XKR4: variants seen among roughly 807,000 people sequenced by gnomAD.
XKR4 encodes XK related 4.
XKR4 carries 12 observed loss-of-function variants against 53.9 expected under a neutral mutation model. That is an observed-to-expected ratio of 0.22 (90% CI 0.14 to 0.36). XKR4 has a LOEUF of 0.36. XKR4 is among the 10% of genes least tolerant of loss of function. The probability of loss-of-function intolerance (pLI) is 1.00; values close to 1 mark genes in which losing one functional copy is unlikely to be tolerated. For missense variants in XKR4, 799 were observed against 859.5 expected, an observed-to-expected ratio of 0.93 and a Z score of 0.88; for synonymous variants, 354 against 362.4, an observed-to-expected ratio of 0.98 and a Z score of 0.26.
At chr8:55,478,845 G>A (rs546807484) in intron 2 of XKR4, among the ~76,000 whole-genome samples, 15 of 152,188 alleles carry the variant, frequency 9.9e-5, no homozygotes, top group Middle Eastern at 3.4e-3. Flanking sequence ...AACAAGAAGA[G>A]CTAACTATCC....
At chr8:55,465,694 C>T (rs1438464510) in intron 2 of XKR4, among the ~76,000 whole-genome samples, 1 of 152,028 alleles carries the variant, frequency 6.6e-6, no homozygotes, top group Non-Finnish European at 1.5e-5. Context: ...TCAGAGTGAA[C>T]AGGCAACCTA....
chr8:55,415,136 A>T (rs1052815127), intron 2 of XKR4, among the ~76,000 whole-genome samples: 1 of 152,238 alleles, frequency 6.6e-6, no homozygotes, highest in African/African-American at 2.4e-5. Flanking sequence ...AAGAAAAGAA[A>T]TCTTAAAGAC....
intron 1 of XKR4, among the ~76,000 whole-genome samples, chr8:55,118,611 C>T (rs948773239): frequency 6.6e-6 from 1 of 152,214 alleles, no homozygotes; most frequent in African/African-American, 2.4e-5. Flanking sequence ...TACAGCTAGT[C>T]TTTGTATAAA....
chr8:55,438,413 C>T (rs1805210005), intron 2 of XKR4, among the ~76,000 whole-genome samples: 1 of 151,548 alleles, frequency 6.6e-6, no homozygotes, highest in Non-Finnish European at 1.5e-5. Flanking sequence ...TGGTGAAACC[C>T]CGTCTCTATT....
At chr8:55,295,778 A>G (rs1819093238) in intron 1 of XKR4, among the ~76,000 whole-genome samples, 1 of 152,084 alleles carries the variant, frequency 6.6e-6, no homozygotes, top group Non-Finnish European at 1.5e-5. Context: ...TAGAGCATAA[A>G]TACTAATTAT....
At chr8:55,227,503 A>G (rs1025941260) in intron 1 of XKR4, among the ~76,000 whole-genome samples, 3 of 152,206 alleles carry the variant, frequency 2.0e-5, no homozygotes, top group African/African-American at 7.2e-5. Flanking sequence ...GAATCAATGC[A>G]CCAACCAGTT....
intron 2 of XKR4, among the ~76,000 whole-genome samples, chr8:55,361,345 C>T (rs987556062): frequency 1.3e-5 from 2 of 151,988 alleles, no homozygotes; most frequent in African/African-American, 2.4e-5. Flanking sequence ...GGAGGGAGAC[C>T]CCACTCGACC....
chr8:55,449,185 A>ATTTAT (rs1805386812), intron 2 of XKR4, among the ~76,000 whole-genome samples: 2 of 136,324 alleles, frequency 1.5e-5, no homozygotes, highest in Admixed American at 1.6e-4. Context: ...TATTTATTTT[A>ATTTAT]TTTTGCATTC....
At chr8:55,162,473 T>C (rs1478462925) in intron 1 of XKR4, among the ~76,000 whole-genome samples, 9 of 152,210 alleles carry the variant, frequency 5.9e-5, no homozygotes, top group Admixed American at 5.9e-4. Flanking sequence ...ACTTCTTCAT[T>C]TGCAAAATGA....
At chr8:55,240,651 T>C (rs1269834304) in intron 1 of XKR4, among the ~76,000 whole-genome samples, 1 of 152,138 alleles carries the variant, frequency 6.6e-6, no homozygotes, top group Non-Finnish European at 1.5e-5. Context: ...TAAGGAATAT[T>C]AGTAGATTCC....
intron 1 of XKR4, among the ~76,000 whole-genome samples, chr8:55,292,650 C>G (rs72651891): frequency 3.3e-5 from 5 of 151,822 alleles, no homozygotes; most frequent in Non-Finnish European, 7.4e-5. Context: ...CTGCTCTAAT[C>G]TTTATTATTT....
intron 2 of XKR4, among the ~76,000 whole-genome samples, chr8:55,408,078 C>T (rs1215939946): frequency 6.6e-6 from 1 of 152,190 alleles, no homozygotes; most frequent in East Asian, 1.9e-4. Context: ...GTTCCAATGC[C>T]TGCCCACAAA....
chr8:55,318,994 CA>C (rs1803164252), intron 1 of XKR4, among the ~76,000 whole-genome samples: 1 of 152,138 alleles, frequency 6.6e-6, no homozygotes, highest in South Asian at 2.1e-4. Flanking sequence ...ATTGTCAAAG[CA>C]AAAGAGAGGT....
At chr8:55,325,071 T>C (rs893075357) in intron 1 of XKR4, among the ~76,000 whole-genome samples, 1 of 152,182 alleles carries the variant, frequency 6.6e-6, no homozygotes, top group Non-Finnish European at 1.5e-5. Context: ...ACCATGTATT[T>C]TATGTGCCAC....
chr8:55,282,413 A>G (rs1818856088), intron 1 of XKR4, among the ~76,000 whole-genome samples: 1 of 152,234 alleles, frequency 6.6e-6, no homozygotes, highest in Admixed American at 6.5e-5. Context: ...TGCAGGCTAT[A>G]TAAGAAGCAT....
intron 1 of XKR4, among the ~76,000 whole-genome samples, chr8:55,132,004 C>G (rs1047209813): frequency 6.6e-6 from 1 of 152,106 alleles, no homozygotes; most frequent in Non-Finnish European, 1.5e-5. Flanking sequence ...GCAGGTGTAG[C>G]GCAGAGCCCG....
intron 2 of XKR4, among the ~76,000 whole-genome samples, chr8:55,388,640 G>A (rs979411680): frequency 1.2e-4 from 18 of 152,256 alleles, no homozygotes; most frequent in Non-Finnish European, 1.5e-4. Context: ...TTATGAGGGC[G>A]TTACCTCCAT....
intron 2 of XKR4, among the ~76,000 whole-genome samples, chr8:55,383,514 G>T: frequency 6.6e-6 from 1 of 152,246 alleles, no homozygotes; most frequent in East Asian, 1.9e-4. Context: ...ATGTAGAAGA[G>T]CAGGAATTTG....
Position 55,174,042 on chromosome 8 carries a change from G to A in XKR4, c.806+70748G>A, listed in dbSNP as rs374722598. ...TCAGAGATACTGCTATTTTGGTGTA[G>A]CATCAAATCATTGTTCTAATAAGGA... is the stretch of plus-strand genomic sequence containing the variant. On this transcript the variant is annotated intron_variant, in intron 1 of 2. Coordinates refer to ENST00000327381, the MANE Select transcript of XKR4 (RefSeq NM_052898.2). Among the ~76,000 whole-genome samples the A allele has an allele frequency of 2.3e-3, 349 of 151,178 alleles. 1 individual carries two copies. Among genetic ancestry groups the A allele is most frequent in the African/African-American group, 8.3e-3 (337 of 40,570 alleles).
Sources: gnomAD v4.1 joint callset for allele counts (sites outside exome capture counted in the v4.1 genomes callset) on GRCh38, gnomAD v4.1.1 for gene constraint, MANE v1.5 for transcripts, NCBI Gene and HGNC (gene_info 2026-07-23, HGNC 2026-07-21) for gene names.